Variants in SDCCAG8 observed in about 807,000 individuals in gnomAD.
The protein encoded by SDCCAG8 is serologically defined colon cancer antigen 8.
SDCCAG8 carries 74 observed loss-of-function variants against 101.8 expected under a neutral mutation model. That is an observed-to-expected ratio of 0.73 (90% CI 0.60 to 0.88). The LOEUF is 0.88. Ranked by LOEUF, SDCCAG8 falls within the 40% of genes least tolerant of loss-of-function variation. The pLI is 0.00. For missense variants in SDCCAG8, 787 were observed against 822.6 expected (o/e 0.96, Z 0.53); for synonymous variants, 281 against 292.9 (o/e 0.96, Z 0.41).
intron 13 of SDCCAG8, among the ~76,000 whole-genome samples, chr1:243,381,342 A>G (rs1306599614): frequency 6.6e-6 from 1 of 152,114 alleles, no homozygotes; most frequent in East Asian, 1.9e-4. Flanking sequence ...TCATTCCAAC[A>G]CTGTGGGAGG....
intron 16 of SDCCAG8, among the ~76,000 whole-genome samples, chr1:243,479,043 T>G (rs1330833963): frequency 6.6e-6 from 1 of 151,608 alleles, no homozygotes; most frequent in Non-Finnish European, 1.5e-5. Flanking sequence ...CTCAGCACAC[T>G]GCTTGTTCTC....
At chr1:243,327,238 T>C (rs1158005749) in intron 9 of SDCCAG8, among the ~76,000 whole-genome samples, 2 of 151,666 alleles carry the variant, frequency 1.3e-5, no homozygotes, top group East Asian at 3.9e-4. Context: ...GGTAATTGCC[T>C]GTTTATAGCA....
chr1:243,346,086 C>G (rs2075686675), intron 12 of SDCCAG8: 1 of 153,968 alleles, frequency 6.5e-6, no homozygotes, highest in Non-Finnish European at 1.5e-5. Flanking sequence ...GTGAGGAAAT[C>G]TTATAGGTAC....
chr1:243,336,368 T>C (rs1215605919), intron 10 of SDCCAG8, among the ~76,000 whole-genome samples: 4 of 152,192 alleles, frequency 2.6e-5, no homozygotes, highest in Admixed American at 2.6e-4. Flanking sequence ...ATTTCTATGA[T>C]GATTAGTGTT....
chr1:243,447,214 A>T (rs565815689), intron 16 of SDCCAG8, among the ~76,000 whole-genome samples: 6 of 123,376 alleles, frequency 4.9e-5, no homozygotes, highest in Non-Finnish European at 9.4e-5. Context: ...GCGCCACGGC[A>T]CTCCAGCCTG....
chr1:243,330,292 A>G (rs1419271484), intron 9 of SDCCAG8, among the ~76,000 whole-genome samples: 1 of 152,164 alleles, frequency 6.6e-6, no homozygotes, highest in African/African-American at 2.4e-5. Context: ...ATCAAGGTTC[A>G]TTACCTGAAT....
chr1:243,274,504 T>C, intron 3 of SDCCAG8, 39 bp from the exon 4 acceptor site: 1 of 1,207,402 alleles, frequency 8.3e-7, no homozygotes, highest in Non-Finnish European at 1.2e-6. Context: ...TTTTAAAATT[T>C]ATGTATTTAT....
At chr1:243,412,927 T>C (rs1356933315) in intron 13 of SDCCAG8, among the ~76,000 whole-genome samples, 1 of 151,950 alleles carries the variant, frequency 6.6e-6, no homozygotes, top group Non-Finnish European at 1.5e-5. Context: ...TGGGAATTTA[T>C]AAAAAGCCTA....
intron 15 of SDCCAG8, among the ~76,000 whole-genome samples, chr1:243,422,355 C>G (rs2081069891): frequency 6.6e-6 from 1 of 152,058 alleles, no homozygotes; most frequent in South Asian, 2.1e-4. Flanking sequence ...AATCTGTCAC[C>G]AGGGTTGTGA....
intron 10 of SDCCAG8, among the ~76,000 whole-genome samples, chr1:243,335,466 T>C (rs1440733538): frequency 6.6e-6 from 1 of 152,208 alleles, no homozygotes; most frequent in East Asian, 1.9e-4. Context: ...TGTGTAGAAG[T>C]ATGTTGATGA....
chr1:243,369,207 T>C (rs2077153812), intron 12 of SDCCAG8, among the ~76,000 whole-genome samples: 1 of 152,160 alleles, frequency 6.6e-6, no homozygotes, highest in Admixed American at 6.5e-5. Flanking sequence ...ATTGTTGGGA[T>C]AGATTGCTGT....
At chr1:243,290,741 C>T (rs995173509) in intron 5 of SDCCAG8, among the ~76,000 whole-genome samples, 2 of 152,192 alleles carry the variant, frequency 1.3e-5, no homozygotes, top group Non-Finnish European at 2.9e-5. Flanking sequence ...CTTACCCTTA[C>T]TTATCCTTCA....
chr1:243,386,626 G>A (rs937856086), intron 13 of SDCCAG8, among the ~76,000 whole-genome samples: 3 of 152,058 alleles, frequency 2.0e-5, no homozygotes, highest in South Asian at 2.1e-4. Flanking sequence ...GATGGCACAC[G>A]TCCGTAGTCC....
At chr1:243,287,032 C>A (rs764954186) in intron 5 of SDCCAG8, among the ~76,000 whole-genome samples, 15 of 152,168 alleles carry the variant, frequency 9.9e-5, no homozygotes, top group Non-Finnish European at 2.2e-4. Flanking sequence ...TTCTAGGAAT[C>A]TAAACTTTCA....
At chr1:243,277,610 C>T (rs2068685304) in intron 4 of SDCCAG8, among the ~76,000 whole-genome samples, 1 of 152,164 alleles carries the variant, frequency 6.6e-6, no homozygotes, top group Non-Finnish European at 1.5e-5. Flanking sequence ...ATTTACTTCT[C>T]TTAACAGTAT....
At chr1:243,355,630 G>A (rs2076340078) in intron 12 of SDCCAG8, among the ~76,000 whole-genome samples, 1 of 152,058 alleles carries the variant, frequency 6.6e-6, no homozygotes, top group Non-Finnish European at 1.5e-5. Flanking sequence ...TTGGGATTTG[G>A]TGTTTTACTC....
rs1036806045 is a variant in SDCCAG8 at position 243,311,783 on chromosome 1, G to A, written c.929+3606G>A. On this transcript the variant is annotated intron_variant, in intron 8 of 17. Transcript: ENST00000366541. ...TTTAAAAATTAAAAAAAAAAACTCA[G>A]CCAAGAAATAACAAGTTATTATGTT... Among the ~76,000 whole-genome samples, 6 of 151,510 alleles carry A rather than the reference G, an allele frequency of 4.0e-5. No homozygotes were observed. In the East Asian group the frequency reaches 1.2e-3, roughly 29 times the overall value.
At chr1:243,415,646 T>C in intron 13 of SDCCAG8, 56 bp from the exon 14 acceptor site, 1 of 1,612,158 alleles carries the variant, frequency 6.2e-7, no homozygotes, top group South Asian at 1.1e-5. Flanking sequence ...GGGGACATGA[T>C]GGGGGTTTGT....
At chr1:243,452,414 C>CTTTTTT (rs71574667) in intron 16 of SDCCAG8, among the ~76,000 whole-genome samples, 2 of 66,678 alleles carry the variant, frequency 3.0e-5, no homozygotes, top group Non-Finnish European at 6.1e-5. Context: ...GATCTCATCT[C>CTTTTTT]TTTTTTTTTT....
Sources: gnomAD v4.1 joint callset for allele counts (sites outside exome capture counted in the v4.1 genomes callset) on GRCh38, gnomAD v4.1.1 for gene constraint, MANE v1.5 for transcripts, NCBI Gene and HGNC (gene_info 2026-07-23, HGNC 2026-07-21) for gene names.